Variants in MARCHF3 observed in about 807,000 individuals in gnomAD.
MARCHF3 encodes the protein membrane associated ring-CH-type finger 3, also known as E3 ubiquitin-protein ligase MARCHF3.
A neutral mutation model predicts 24.2 loss-of-function variants in MARCHF3; 13 were observed. The ratio of observed to expected loss-of-function variants is 0.54; its 90% confidence interval spans 0.35 to 0.85. The LOEUF (loss-of-function observed/expected upper bound fraction) is 0.85. Ranked by LOEUF, MARCHF3 falls within the 40% of genes least tolerant of loss-of-function variation. The pLI, the probability that MARCHF3 is intolerant of heterozygous loss-of-function variation, is 0.01. For missense variants in MARCHF3, 276 were observed against 325.0 expected (o/e 0.85, Z 1.16); for synonymous variants, 144 against 137.3 (o/e 1.05, Z -0.34).
intron 1 of MARCHF3, among the ~76,000 whole-genome samples, chr5:126,959,699 T>G (rs1199896160): frequency 6.6e-6 from 1 of 152,146 alleles, no homozygotes; most frequent in Non-Finnish European, 1.5e-5. Context: ...AATTTTTTCC[T>G]GTCACTACAA....
intron 1 of MARCHF3, among the ~76,000 whole-genome samples, chr5:126,978,139 C>G: frequency 6.6e-6 from 1 of 152,254 alleles, no homozygotes; most frequent in African/African-American, 2.4e-5. Context: ...TTTGTCTTCA[C>G]GTGGTGAGTT....
At chr5:126,983,203 G>A (rs756361348) in intron 1 of MARCHF3, among the ~76,000 whole-genome samples, 1 of 152,166 alleles carries the variant, frequency 6.6e-6, no homozygotes, top group African/African-American at 2.4e-5. Context: ...GTCCCAGAAG[G>A]GAGTTGGCTT....
Position 126,868,947 on chromosome 5 carries a change from G to A in MARCHF3, c.*1686C>T, listed in dbSNP as rs891080921. 6.6e-6 allele frequency: 1 copy of A among 152,268 alleles called. No homozygotes were observed. Among genetic ancestry groups the A allele is most frequent in the African/African-American group, 2.4e-5 (1 of 41,452 alleles). 9.4% of individuals were successfully genotyped at this position (152,268 alleles called of 1,614,324 possible). On this transcript the variant is annotated 3_prime_UTR_variant, in exon 5 of 5. Transcript: ENST00000308660. ...AGGGCGCAGTAAACAGAAGGGCTGAGACATATATTACTGGAATTGAAGTGT... is the reference window on the plus strand; with the variant it reads ...AGGGCGCAGTAAACAGAAGGGCTGAAACATATATTACTGGAATTGAAGTGT...
At chr5:126,983,453 G>A (rs560695447) in intron 1 of MARCHF3, among the ~76,000 whole-genome samples, 40 of 152,268 alleles carry the variant, frequency 2.6e-4, no homozygotes, top group Admixed American at 7.2e-4. Context: ...CAGGGACAGA[G>A]CAGCTCAGAA....
chr5:126,890,598 C>A (rs1217841741), intron 3 of MARCHF3, among the ~76,000 whole-genome samples: 1 of 151,938 alleles, frequency 6.6e-6, no homozygotes, highest in Non-Finnish European at 1.5e-5. Flanking sequence ...TCATCCATGT[C>A]CCTACAAAGG....
chr5:126,910,508 G>A (rs149791252), intron 3 of MARCHF3, among the ~76,000 whole-genome samples: 3 of 152,352 alleles, frequency 2.0e-5, no homozygotes, highest in African/African-American at 7.2e-5. Flanking sequence ...GGAGGGACCG[G>A]CTGAAGCCAT....
intron 1 of MARCHF3, among the ~76,000 whole-genome samples, chr5:126,922,359 C>T (rs1749136379): frequency 6.6e-6 from 1 of 152,178 alleles, no homozygotes; most frequent in Non-Finnish European, 1.5e-5. Context: ...TGAGCCACCT[C>T]ACCTGGTTGT....
In MARCHF3 at chr5:126,990,725, A is replaced by C. The variant is rs1751729815; in HGVS notation, c.-57+39625T>G. ...AGAAAAAAACAAACAACCCCATCAAAAAGTGGGCAAAGGATATGAACAGAC... is the reference window on the plus strand; with the variant it reads ...AGAAAAAAACAAACAACCCCATCAACAAGTGGGCAAAGGATATGAACAGAC... On this transcript the variant is annotated intron_variant, in intron 1 of 4. Transcript: ENST00000308660. Among the ~76,000 whole-genome samples the C allele has an allele frequency of 2.0e-5, 3 of 152,196 alleles. No homozygotes were observed. The East Asian group carries it at 5.8e-4, about 29-fold the overall frequency.
At chr5:126,964,168 GCCTCATCTAT>G (rs1750732633) in intron 1 of MARCHF3, among the ~76,000 whole-genome samples, 2 of 152,236 alleles carry the variant, frequency 1.3e-5, no homozygotes, top group Admixed American at 1.3e-4. Context: ...TCCTGGCTAT[GCCTCATCTAT>G]CCTTGGCCTG....
At chr5:126,888,672 G>C (rs1419940459) in intron 3 of MARCHF3, among the ~76,000 whole-genome samples, 1 of 152,234 alleles carries the variant, frequency 6.6e-6, no homozygotes, top group Non-Finnish European at 1.5e-5. Context: ...ACAGAATGGA[G>C]AGCAAGGAAA....
At chr5:126,963,141 A>G (rs1249703547) in intron 1 of MARCHF3, among the ~76,000 whole-genome samples, 2 of 152,180 alleles carry the variant, frequency 1.3e-5, no homozygotes, top group Admixed American at 1.3e-4. Context: ...GCCACTCAAT[A>G]GAGTTTTTCT....
chr5:126,973,877 C>CTT (rs1331368164), intron 1 of MARCHF3, among the ~76,000 whole-genome samples: 5 of 114,792 alleles, frequency 4.4e-5, no homozygotes, highest in East Asian at 2.8e-4. Context: ...TAAGCAAAAT[C>CTT]TATTTTTTTT....
intron 1 of MARCHF3, among the ~76,000 whole-genome samples, chr5:126,961,914 T>G (rs1024499032): frequency 6.6e-6 from 1 of 152,156 alleles, no homozygotes; most frequent in African/African-American, 2.4e-5. Flanking sequence ...CAAAGAAGAA[T>G]ATTACTGGTT....
At chr5:126,901,535 T>A (rs1289372732) in intron 3 of MARCHF3, among the ~76,000 whole-genome samples, 1 of 152,156 alleles carries the variant, frequency 6.6e-6, no homozygotes, top group Non-Finnish European at 1.5e-5. Flanking sequence ...AACTGATTGT[T>A]AGGCAGTGTG....
intron 1 of MARCHF3, among the ~76,000 whole-genome samples, chr5:127,018,774 T>C (rs1752706057): frequency 6.6e-6 from 1 of 152,186 alleles, no homozygotes; most frequent in African/African-American, 2.4e-5. Flanking sequence ...GGGATTGTCT[T>C]CCAAGCAAAG....
At chr5:126,914,767 AACACACACACACACACACAC>A (rs58386463) in intron 3 of MARCHF3, 143 bp downstream of exon 3, 10 of 484,394 alleles carry the variant, frequency 2.1e-5, no homozygotes, top group African/African-American at 1.2e-4. Context: ...CTCTTTCTCA[AACACACACACACACACACAC>A]ACACACACAC....
intron 3 of MARCHF3, chr5:126,899,361 T>G: frequency 1.1e-6 from 1 of 945,518 alleles, no homozygotes; most frequent in Non-Finnish European, 1.3e-6. Context: ...AAATAAGGTT[T>G]ACCAATCTGA....
intron 3 of MARCHF3, among the ~76,000 whole-genome samples, chr5:126,887,708 A>AAAT (rs1175127481): frequency 6.6e-6 from 1 of 152,158 alleles, no homozygotes; most frequent in Non-Finnish European, 1.5e-5. Flanking sequence ...CCTGCCTCAG[A>AAAT]AATACCAGAC....
chr5:126,907,851 G>T (rs1754358726), intron 3 of MARCHF3, among the ~76,000 whole-genome samples: 1 of 151,230 alleles, frequency 6.6e-6, no homozygotes, highest in Non-Finnish European at 1.5e-5. Context: ...GTGTGAATTT[G>T]ATCCTGTCAT....
Sources: gnomAD v4.1 joint callset for allele counts (sites outside exome capture counted in the v4.1 genomes callset) on GRCh38, gnomAD v4.1.1 for gene constraint, MANE v1.5 for transcripts, NCBI Gene and HGNC (gene_info 2026-07-23, HGNC 2026-07-21) for gene names.